Variants in AIDA observed in about 807,000 individuals in gnomAD.
The protein encoded by AIDA is axin interactor, dorsalization associated, also known as axin interactor, dorsalization-associated protein.
In AIDA, 18 loss-of-function variants were observed where a neutral mutation model predicts 42.7. The ratio of observed to expected loss-of-function variants is 0.42; its 90% CI spans 0.29 to 0.63. The LOEUF (loss-of-function observed/expected upper bound fraction) is 0.63. AIDA is among the 20% of genes least tolerant of loss of function. The pLI is 0.19. For synonymous variants in AIDA, 104 were observed against 122.9 expected, an observed-to-expected ratio of 0.85 and a Z score of 1.02; for missense variants, 250 against 354.1, an observed-to-expected ratio of 0.71 and a Z score of 2.36.
At chr1:222,680,489 T>A (rs1664634396) in intron 6 of AIDA, among the ~76,000 whole-genome samples, 1 of 152,112 alleles carries the variant, frequency 6.6e-6, no homozygotes, top group Non-Finnish European at 1.5e-5. Flanking sequence ...TAGAGACAAT[T>A]CTCCCTAAGT....
chr1:222,708,387 A>G lies in AIDA; in HGVS notation c.110+3821T>C, dbSNP rs190815861. Among the ~76,000 whole-genome samples the G allele has an allele frequency of 2.6e-4, 39 of 151,416 alleles. No homozygotes were observed. In the East Asian group the frequency reaches 7.1e-3, roughly 27 times the overall value. ...TTAGCAGATATTTATTGGTTTTTTT[A>G]AGACGAGTCTCACTCCGTCACCCAG... On this transcript the variant is annotated intron_variant, in intron 1 of 9. Transcript: ENST00000340020.
rs1558205349 is a variant in AIDA at position 222,670,260 on chromosome 1, TAAAAC to T, written c.707-15_707-11del. 3 of 1,605,976 alleles carry T rather than the reference TAAAAC, an allele frequency of 1.9e-6. No homozygotes were observed. ...AAGAAGATAGCTGCACCTAAGGAAT[TAAAAC>T]AAGCCACATAAACCACAGATAGCAC... is the stretch of plus-strand genomic sequence containing the variant. On this transcript the variant is annotated splice_polypyrimidine_tract_variant and intron_variant, in intron 8 of 9. Coordinates refer to ENST00000340020, the MANE Select transcript of AIDA (RefSeq NM_022831.4).
chr1:222,702,283 C>T (rs187666772), intron 2 of AIDA, among the ~76,000 whole-genome samples: 385 of 152,150 alleles, frequency 2.5e-3, no homozygotes, highest in Non-Finnish European at 3.9e-3. Flanking sequence ...ATTACCACTC[C>T]CTTTGTACAT....
At chr1:222,689,571 A>ATATATATACATATATATGTATATATATG (rs1558211835) in intron 4 of AIDA, among the ~76,000 whole-genome samples, 16 of 130,486 alleles carry the variant, frequency 1.2e-4, no homozygotes, top group African/African-American at 4.5e-4. Context: ...ATATATATGT[A>ATATATATACATATATATGTATATATATG]TATATATATA....
chr1:222,712,110 C>A, intron 1 of AIDA, 98 bp downstream of exon 1: 1 of 1,529,534 alleles, frequency 6.5e-7, no homozygotes, highest in Non-Finnish European at 8.8e-7. Flanking sequence ...CCCTGAGAAG[C>A]CTTGGCTGCA....
chr1:222,697,706 C>G (rs1655561386), intron 2 of AIDA, among the ~76,000 whole-genome samples: 1 of 152,054 alleles, frequency 6.6e-6, no homozygotes, highest in Non-Finnish European at 1.5e-5. Flanking sequence ...GTTAATTTTG[C>G]TAAAACGTAT....
chr1:222,673,375 T>C lies in AIDA; in HGVS notation c.644A>G (p.Asp215Gly), dbSNP rs1259969293. 2.5e-6 allele frequency: 4 copies of C among 1,611,048 alleles called. No homozygotes were observed. Among genetic ancestry groups the C allele is most frequent in the Non-Finnish European group, 3.4e-6 (4 of 1,178,390 alleles). ...GTCCACATTAAAATGAACATATGTATCTTCTTTTCTTGAAGCCACAGGAGT... is the reference window on the plus strand; with the variant it reads ...GTCCACATTAAAATGAACATATGTACCTTCTTTTCTTGAAGCCACAGGAGT... Reference protein sequence around the residue: ...QDTPVASRKEDTYVHFNVDIE... With the variant: ...QDTPVASRKEGTYVHFNVDIE... The change falls in exon 8 of 10, where the codon GAT becomes GGT. Residue 215 changes from aspartate to glycine, a missense_variant. Coordinates refer to ENST00000340020, the MANE Select transcript of AIDA (RefSeq NM_022831.4).
intron 3 of AIDA, 131 bp from the exon 4 acceptor site, chr1:222,693,974 C>A: frequency 3.2e-6 from 3 of 933,894 alleles, no homozygotes; most frequent in Admixed American, 3.0e-5. Context: ...TGAAAAGTCC[C>A]AAACTGGTTT....
At position 222,689,520 on chromosome 1, in the gene AIDA, T is replaced by TATATACACAC. The variant is rs765351898; in HGVS notation, c.290-1863_290-1862insGTGTGTATAT. 3.6e-4 allele frequency among the ~76,000 whole-genome samples: 21 copies of TATATACACAC among 58,104 alleles called. 1 individual carries two copies. Among genetic ancestry groups the TATATACACAC allele is most frequent in the South Asian group, 1.2e-3 (2 of 1,676 alleles). 38.1% of individuals were successfully genotyped at this position (58,104 alleles called of 152,430 possible). On this transcript the variant is annotated intron_variant, in intron 4 of 9. Transcript: ENST00000340020. ...ATATATATATATATATATATATATA[T>TATATACACAC]ACACACATACACACACACACATATA... is the stretch of plus-strand genomic sequence containing the variant.
chr1:222,673,253 A>C (rs908026824), intron 8 of AIDA, 60 bp downstream of exon 8: 45 of 1,497,866 alleles, frequency 3.0e-5, no homozygotes, highest in African/African-American at 4.2e-5. Flanking sequence ...CATATGTACA[A>C]ACACAAATAA....
intron 5 of AIDA, 113 bp downstream of exon 5, chr1:222,687,482 T>C (rs1655231294): frequency 1.1e-6 from 1 of 914,030 alleles, no homozygotes; most frequent in Non-Finnish European, 1.6e-6. Context: ...CTGTTATCAT[T>C]GTTGATGTCA....
chr1:222,701,718 T>A (rs1053607827), intron 2 of AIDA, among the ~76,000 whole-genome samples: 5 of 152,182 alleles, frequency 3.3e-5, no homozygotes, highest in African/African-American at 7.2e-5. Context: ...ATTCTTTTTT[T>A]AAAAATTTAT....
intron 6 of AIDA, among the ~76,000 whole-genome samples, chr1:222,681,189 C>A (rs1257784059): frequency 6.6e-6 from 1 of 152,174 alleles, no homozygotes; most frequent in Non-Finnish European, 1.5e-5. Context: ...TCACGTGTAC[C>A]TCTGAGGAAC....
intron 2 of AIDA, among the ~76,000 whole-genome samples, chr1:222,697,973 C>T (rs1157280486): frequency 1.3e-5 from 2 of 152,138 alleles, no homozygotes. Flanking sequence ...GAAACGCTTT[C>T]TAAGCATCAT....
At position 222,680,252 on chromosome 1, in the gene AIDA, AT is replaced by A. The variant is rs918822643; in HGVS notation, c.461-4035del. ...GTTCACTTGACTTGGTCCATTTAGTATTTTTTTTTTCAGGAGACAGGGGAAG... is the reference window on the plus strand; with the variant it reads ...GTTCACTTGACTTGGTCCATTTAGTATTTTTTTTTCAGGAGACAGGGGAAG... On this transcript the variant is annotated intron_variant, in intron 6 of 9. Coordinates refer to ENST00000340020, the MANE Select transcript of AIDA (RefSeq NM_022831.4). 1.0e-3 allele frequency among the ~76,000 whole-genome samples: 151 copies of A among 149,834 alleles called. 1 individual carries two copies. The highest frequency in any genetic ancestry group is 4.1e-3 in the East Asian group (21 of 5,118).
At position 222,689,479 on chromosome 1, in the gene AIDA, G is replaced by A. The variant is rs1362278251; in HGVS notation, c.290-1821C>T. On this transcript the variant is annotated intron_variant, in intron 4 of 9. Coordinates refer to ENST00000340020, the MANE Select transcript of AIDA (RefSeq NM_022831.4). ...AAAAAGAAAATATGTATGTGTGTGT[G>A]TGTATATATATATATATATATATAT... 8.4e-4 allele frequency among the ~76,000 whole-genome samples: 38 copies of A among 45,234 alleles called. No homozygotes were observed. In the South Asian group the frequency reaches 9.7e-3, roughly 12 times the overall value. The allele number at this position is 45,234 out of a possible 152,430, so 29.7% of individuals were successfully genotyped here. A position where few individuals can be genotyped will look rare whatever the true frequency, so the allele number is the denominator to read the frequency against.
At chr1:222,690,076 AATAGGCTATACCAT>A (rs1301375125) in intron 4 of AIDA, among the ~76,000 whole-genome samples, 1 of 152,266 alleles carries the variant, frequency 6.6e-6, no homozygotes, top group Non-Finnish European at 1.5e-5. Flanking sequence ...GCCTAGGAGC[AATAGGCTATACCAT>A]ATAGGCTATA....
At chr1:222,707,721 A>C (rs545059342) in intron 1 of AIDA, among the ~76,000 whole-genome samples, 1 of 152,230 alleles carries the variant, frequency 6.6e-6, no homozygotes, top group Non-Finnish European at 1.5e-5. Context: ...AGTTTTAAAC[A>C]TACCTTAAGC....
chr1:222,692,033 G>A (rs1239968756), intron 4 of AIDA, among the ~76,000 whole-genome samples: 1 of 152,088 alleles, frequency 6.6e-6, no homozygotes, highest in Non-Finnish European at 1.5e-5. Flanking sequence ...ATGTTGGAAG[G>A]AAAAACAATC....
Sources: gnomAD v4.1 joint callset for allele counts (sites outside exome capture counted in the v4.1 genomes callset) on GRCh38, gnomAD v4.1.1 for gene constraint, MANE v1.5 for transcripts, NCBI Gene and HGNC (gene_info 2026-07-23, HGNC 2026-07-21) for gene names.